Variants in NFIB observed in about 807,000 individuals in gnomAD.
NFIB encodes the protein nuclear factor I B, also known as nuclear factor 1 B-type.
Under a neutral mutation model 61.5 loss-of-function variants are expected in NFIB, and 11 were observed. The observed-to-expected ratio is 0.18, with a 90% CI of 0.11 to 0.30. The LOEUF (loss-of-function observed/expected upper bound fraction) is 0.30, where lower values mean the gene tolerates loss of function less well. Ranked by LOEUF, NFIB falls within the 10% of genes least tolerant of loss-of-function variation. The probability of loss-of-function intolerance (pLI) is 1.00; values close to 1 mark genes in which losing one functional copy is unlikely to be tolerated. For synonymous variants in NFIB, 260 were observed against 216.5 expected, an observed-to-expected ratio of 1.20 and a Z score of -1.76; for missense variants, 471 against 608.9, an observed-to-expected ratio of 0.77 and a Z score of 2.38.
At chr9:14,469,360 A>C in the NFIB span, among the ~76,000 whole-genome samples, 1 of 152,180 alleles carries the variant, frequency 6.6e-6, no homozygotes, top group African/African-American at 2.4e-5. Flanking sequence ...GTGCCCACAC[A>C]CTTGTTGATG....
At chr9:14,270,148 TTG>T (rs1476250066) in intron 2 of NFIB, among the ~76,000 whole-genome samples, 2 of 152,162 alleles carry the variant, frequency 1.3e-5, no homozygotes, top group South Asian at 2.1e-4. Flanking sequence ...GATGACCCTG[TTG>T]TCAGAACACA....
chr9:14,094,726 A>T (rs1312317727), intron 10 of NFIB, among the ~76,000 whole-genome samples: 1 of 152,124 alleles, frequency 6.6e-6, no homozygotes, highest in Non-Finnish European at 1.5e-5. Context: ...TCTAACTGCA[A>T]GCAATAGGAC....
chr9:14,319,085 T>C (rs1186009520), upstream of NFIB, among the ~76,000 whole-genome samples: 1 of 152,122 alleles, frequency 6.6e-6, no homozygotes, highest in Non-Finnish European at 1.5e-5. Context: ...TTGGACCTTT[T>C]TCTCCTCCTC....
chr9:14,226,741 T>C (rs2052473963), intron 2 of NFIB, among the ~76,000 whole-genome samples: 1 of 152,228 alleles, frequency 6.6e-6, no homozygotes, highest in African/African-American at 2.4e-5. Context: ...CTGGTAATTC[T>C]GTCTTTTCGA....
chr9:14,372,999 A>C (rs1002774085), intron 1 of NFIB, among the ~76,000 whole-genome samples: 2 of 152,044 alleles, frequency 1.3e-5, no homozygotes, highest in African/African-American at 4.8e-5. Context: ...GGGGGTGGGG[A>C]CTGATTCCAG....
the NFIB span, among the ~76,000 whole-genome samples, chr9:14,530,106 C>T: frequency 7.2e-5 from 11 of 152,102 alleles, no homozygotes; most frequent in Non-Finnish European, 5.9e-5. Flanking sequence ...GAAAATGTTT[C>T]ATTTAGTAAG....
chr9:14,444,940 T>A, the NFIB span, among the ~76,000 whole-genome samples: 6 of 152,208 alleles, frequency 3.9e-5, no homozygotes, highest in Admixed American at 3.9e-4. Flanking sequence ...TATACATTCC[T>A]CAATCATAGA....
chr9:14,206,332 A>AT (rs2049710011), intron 2 of NFIB, among the ~76,000 whole-genome samples: 1 of 151,646 alleles, frequency 6.6e-6, no homozygotes, highest in African/African-American at 2.4e-5. Flanking sequence ...GCACCTGGCT[A>AT]ATTTTTTTGT....
chr9:14,344,413 G>GC (rs1015527040), intron 1 of NFIB, among the ~76,000 whole-genome samples: 1 of 151,834 alleles, frequency 6.6e-6, no homozygotes, highest in Non-Finnish European at 1.5e-5. Flanking sequence ...GTCTCAGAAG[G>GC]GGGGGGTAGA....
chr9:14,416,892 CTTT>C, the NFIB span, among the ~76,000 whole-genome samples: 5 of 126,926 alleles, frequency 3.9e-5, no homozygotes, highest in Non-Finnish European at 4.8e-5. Context: ...ACTATTTTTA[CTTT>C]TTTTTTTTTT....
chr9:14,466,448 C>T, the NFIB span, among the ~76,000 whole-genome samples: 1 of 152,102 alleles, frequency 6.6e-6, no homozygotes, highest in South Asian at 2.1e-4. Flanking sequence ...TGGATCGCAC[C>T]ATCCTCTGGG....
chr9:14,124,074 GA>G (rs2039320622), intron 7 of NFIB, among the ~76,000 whole-genome samples: 1 of 152,182 alleles, frequency 6.6e-6, no homozygotes, highest in Admixed American at 6.5e-5. Flanking sequence ...TTTAAGGACA[GA>G]AACGATCTTT....
At chr9:14,490,394 T>C in the NFIB span, among the ~76,000 whole-genome samples, 3 of 152,132 alleles carry the variant, frequency 2.0e-5, no homozygotes, top group Admixed American at 6.5e-5. Context: ...ATCTTTCTGA[T>C]CTCGAAGTAG....
At chr9:14,163,159 G>A (rs2044389335) in intron 3 of NFIB, among the ~76,000 whole-genome samples, 1 of 150,996 alleles carries the variant, frequency 6.6e-6, no homozygotes, top group Non-Finnish European at 1.5e-5. Flanking sequence ...TCAAGAGCAG[G>A]AAAAGAAAAA....
Position 14,175,070 on chromosome 9 carries a change from T to A in NFIB, c.616+4657A>T, listed in dbSNP as rs372663072. 2.3e-3 allele frequency among the ~76,000 whole-genome samples: 349 copies of A among 152,142 alleles called. 1 individual carries two copies. Among genetic ancestry groups the A allele is most frequent in the African/African-American group, 6.3e-3 (261 of 41,524 alleles). ...TAATAATTATTTGGTTTGTTTCTAT[T>A]AGTTTTATGACAACCTTCTGTTGGC... On this transcript the variant is annotated intron_variant, in intron 3 of 10. Transcript: ENST00000380953.
chr9:14,188,747 T>C (rs757993555), intron 2 of NFIB, among the ~76,000 whole-genome samples: 9 of 152,210 alleles, frequency 5.9e-5, no homozygotes, highest in African/African-American at 1.4e-4. Flanking sequence ...AAAGATGAGA[T>C]GAATGTTCTT....
At chr9:14,413,979 C>A in the NFIB span, among the ~76,000 whole-genome samples, 4 of 152,142 alleles carry the variant, frequency 2.6e-5, no homozygotes, top group African/African-American at 9.7e-5. Context: ...GTTTGAACGT[C>A]TCAATTTCCA....
At chr9:14,393,642 A>G (rs1362435027) in intron 1 of NFIB, among the ~76,000 whole-genome samples, 1 of 152,202 alleles carries the variant, frequency 6.6e-6, no homozygotes, top group Non-Finnish European at 1.5e-5. Context: ...ATGTCATCCA[A>G]AAAACTAACT....
the NFIB span, among the ~76,000 whole-genome samples, chr9:14,409,774 G>C: frequency 1.3e-5 from 2 of 152,150 alleles, no homozygotes; most frequent in African/African-American, 4.8e-5. Flanking sequence ...CAAGAAACCA[G>C]TTAAAATAGA....
Sources: allele counts gnomAD v4.1 joint callset (sites outside exome capture counted in the v4.1 genomes callset), GRCh38; gene constraint gnomAD v4.1.1; transcripts MANE v1.5; gene names NCBI Gene and HGNC (gene_info 2026-07-23, HGNC 2026-07-21).